Variants in VPS13B observed in about 807,000 individuals in gnomAD.
The protein encoded by VPS13B is vacuolar protein sorting 13 homolog B.
Under a neutral mutation model 426.4 loss-of-function variants are expected in VPS13B, and 285 were observed. That is an observed-to-expected ratio of 0.67 (90% CI 0.61 to 0.74). VPS13B has a LOEUF of 0.74. Ranked by LOEUF, VPS13B falls within the 30% of genes least tolerant of loss-of-function variation. The pLI is 0.00. For synonymous variants in VPS13B, 1,676 were observed against 1,676.4 expected, an observed-to-expected ratio of 1.00 and a Z score of 0.01; for missense variants, 4,537 against 4,782.6, an observed-to-expected ratio of 0.95 and a Z score of 1.51.
chr8:99,679,219 G>A (rs888231603), intron 35 of VPS13B, among the ~76,000 whole-genome samples: 1 of 152,078 alleles, frequency 6.6e-6, no homozygotes, highest in Non-Finnish European at 1.5e-5. Context: ...ACTTTTGGCT[G>A]TTTCTAAAAA....
chr8:99,737,495 CTT>C (rs1563890201), intron 39 of VPS13B, among the ~76,000 whole-genome samples: 1 of 152,092 alleles, frequency 6.6e-6, no homozygotes, highest in African/African-American at 2.4e-5. Flanking sequence ...GAAATCACCT[CTT>C]GTTTTCCATC....
At chr8:99,823,475 G>A (rs905044396) in intron 50 of VPS13B, among the ~76,000 whole-genome samples, 5 of 152,066 alleles carry the variant, frequency 3.3e-5, no homozygotes, top group African/African-American at 1.2e-4. Flanking sequence ...AGTGAGGCTG[G>A]GTGGAATTCT....
chr8:99,805,512 T>C (rs906639426), intron 43 of VPS13B, among the ~76,000 whole-genome samples: 61 of 152,354 alleles, frequency 4.0e-4, no homozygotes, highest in African/African-American at 1.4e-3. Context: ...ATTCTCCCTT[T>C]GGACAAAACT....
At chr8:99,079,106 C>T (rs1026392765) in intron 3 of VPS13B, among the ~76,000 whole-genome samples, 3 of 152,086 alleles carry the variant, frequency 2.0e-5, no homozygotes, top group African/African-American at 4.8e-5. Flanking sequence ...GGAGAATGGG[C>T]GTAGGCAATG....
intron 30 of VPS13B, among the ~76,000 whole-genome samples, chr8:99,544,581 A>G (rs1823849593): frequency 6.6e-6 from 1 of 152,164 alleles, no homozygotes; most frequent in Non-Finnish European, 1.5e-5. Flanking sequence ...AGTATTTAAT[A>G]TATTGATTGA....
intron 54 of VPS13B, among the ~76,000 whole-genome samples, chr8:99,844,066 G>T (rs1048200741): frequency 1.4e-4 from 22 of 152,320 alleles, no homozygotes; most frequent in African/African-American, 4.8e-4. Context: ...AACAGTGAGT[G>T]TGTTGCCTAT....
intron 17 of VPS13B, among the ~76,000 whole-genome samples, chr8:99,209,393 A>G (rs1814932390): frequency 6.6e-6 from 1 of 151,968 alleles, no homozygotes; most frequent in Non-Finnish European, 1.5e-5. Flanking sequence ...TTTATATTGG[A>G]CTTTGTTGGA....
chr8:99,240,143 T>C (rs1816844268), intron 17 of VPS13B, among the ~76,000 whole-genome samples: 1 of 152,196 alleles, frequency 6.6e-6, no homozygotes, highest in Admixed American at 6.5e-5. Flanking sequence ...CTAAGTTATC[T>C]TTCATGTTTT....
At position 99,876,656 on chromosome 8, in the gene VPS13B, A is replaced by T. The variant is rs1020781202; in HGVS notation, c.*990A>T. 6 of 152,186 alleles carry T rather than the reference A, an allele frequency of 3.9e-5. No homozygotes were observed. Among genetic ancestry groups the T allele is most frequent in the Admixed American group, 3.9e-4 (6 of 15,286 alleles). The allele number at this position is 152,186 out of a possible 1,614,324, so 9.4% of individuals were successfully genotyped here. On this transcript the variant is annotated 3_prime_UTR_variant, in exon 62 of 62. Transcript: ENST00000357162. ...TGAAGATATTCCCAGTGTCTGTCTG[A>T]TAATATTTTGCATCTAAGAATGGGT...
intron 59 of VPS13B, among the ~76,000 whole-genome samples, chr8:99,869,002 TG>T (rs1346451861): frequency 6.6e-6 from 1 of 152,230 alleles, no homozygotes; most frequent in East Asian, 1.9e-4. Flanking sequence ...GCGTGGCGCA[TG>T]GCAGTACCTG....
At chr8:99,526,407 A>G (rs12676915) in intron 30 of VPS13B, among the ~76,000 whole-genome samples, 26,425 of 152,146 alleles carry the variant, frequency 0.17, 2,820 homozygotes, top group East Asian at 0.39. Flanking sequence ...AGGCAAGGAA[A>G]GGCAAGGGAA....
At chr8:99,160,690 AATTTTCAT>A (rs1811603849) in intron 15 of VPS13B, among the ~76,000 whole-genome samples, 1 of 151,706 alleles carries the variant, frequency 6.6e-6, no homozygotes, top group South Asian at 2.1e-4. Flanking sequence ...AAAAAGCACT[AATTTTCAT>A]GTAATGTATC....
intron 24 of VPS13B, among the ~76,000 whole-genome samples, chr8:99,478,451 T>TG (rs1185373425): frequency 7.5e-4 from 93 of 124,398 alleles, no homozygotes; most frequent in African/African-American, 1.4e-3. Context: ...TGTTTTGTTT[T>TG]TTTTTTTTTT....
intron 19 of VPS13B, among the ~76,000 whole-genome samples, chr8:99,290,345 G>A (rs1819661821): frequency 6.6e-6 from 1 of 152,030 alleles, no homozygotes. Flanking sequence ...ATGAATTCAT[G>A]TCCTTTGTGG....
intron 30 of VPS13B, among the ~76,000 whole-genome samples, chr8:99,552,101 T>C (rs772645846): frequency 4.2e-4 from 64 of 152,138 alleles, no homozygotes; most frequent in Middle Eastern, 3.4e-3. Flanking sequence ...CTGGATTTCA[T>C]TGGACCTTTC....
intron 17 of VPS13B, chr8:99,234,353 C>A: frequency 1.3e-6 from 1 of 743,116 alleles, no homozygotes; most frequent in South Asian, 1.4e-5. Flanking sequence ...CAACATCGCC[C>A]ACTGCAGGTG....
At chr8:99,446,643 A>G (rs1817935626) in intron 23 of VPS13B, among the ~76,000 whole-genome samples, 1 of 151,498 alleles carries the variant, frequency 6.6e-6, no homozygotes, top group Admixed American at 6.6e-5. Flanking sequence ...TAGTTCATTA[A>G]TTTTCTTTTC....
rs528183656 is a variant in VPS13B, at chr8:99,318,404, C to T, written c.2824+43150C>T. On this transcript the variant is annotated intron_variant, in intron 19 of 61. Coordinates refer to ENST00000357162, the MANE Select transcript of VPS13B (RefSeq NM_152564.5). ...GTACTTCCAGTTTATCTATTCCTGT[C>T]CTGTATGGTAGATCTCATTTTAAGA... 1.3e-4 allele frequency among the ~76,000 whole-genome samples: 20 copies of T among 151,834 alleles called. 1 individual carries two copies. The South Asian group carries it at 4.2e-3, about 32-fold the overall frequency.
chr8:99,091,462 C>T (rs1846143536), intron 3 of VPS13B, among the ~76,000 whole-genome samples: 2 of 152,124 alleles, frequency 1.3e-5, no homozygotes, highest in South Asian at 4.1e-4. Flanking sequence ...ATGGAAACAG[C>T]CTCCCTTGTG....
Sources: gnomAD v4.1 joint callset for allele counts (sites outside exome capture counted in the v4.1 genomes callset) on GRCh38, gnomAD v4.1.1 for gene constraint, MANE v1.5 for transcripts, NCBI Gene and HGNC (gene_info 2026-07-23, HGNC 2026-07-21) for gene names.